The following CHLSN variants were observed in gnomAD, a reference collection of about 807,000 sequenced individuals.
CHLSN encodes cholesin, also known as protein cholesin.
At chr7:1,083,443 T>C in the CHLSN span, among the ~76,000 whole-genome samples, 1 of 151,160 alleles carries the variant, frequency 6.6e-6, no homozygotes, top group African/African-American at 2.4e-5. Flanking sequence ...GCTAACACAG[T>C]AAAACCCCAT....
chr7:1,042,952 A>G, the CHLSN span, among the ~76,000 whole-genome samples: 2 of 152,096 alleles, frequency 1.3e-5, no homozygotes, highest in African/African-American at 2.4e-5. Context: ...AGTTTTCACA[A>G]TTAAATTTAA....
At chr7:1,009,878 A>C in the CHLSN span, 1 of 1,316,472 alleles carries the variant, frequency 7.6e-7, no homozygotes, top group Non-Finnish European at 1.0e-6. Flanking sequence ...GTGCGAGTGA[A>C]GGCTTCGACC....
the CHLSN span, among the ~76,000 whole-genome samples, chr7:1,104,799 C>T: frequency 1.3e-5 from 2 of 152,240 alleles, no homozygotes; most frequent in Non-Finnish European, 2.9e-5. Flanking sequence ...TACAAATATG[C>T]AGCCTCATCT....
chr7:1,047,682 G>A, the CHLSN span, among the ~76,000 whole-genome samples: 1 of 152,266 alleles, frequency 6.6e-6, no homozygotes, highest in Non-Finnish European at 1.5e-5. Context: ...GCCAGGAGCT[G>A]GCCGTGGCCT....
the CHLSN span, among the ~76,000 whole-genome samples, chr7:1,063,582 C>G: frequency 2.0e-4 from 31 of 152,230 alleles, no homozygotes; most frequent in Admixed American, 2.0e-4. Context: ...ACCATGGGCC[C>G]CTGCGTGGGG....
the CHLSN span, among the ~76,000 whole-genome samples, chr7:1,008,511 G>A: frequency 2.0e-5 from 3 of 152,162 alleles, no homozygotes; most frequent in African/African-American, 7.2e-5. Flanking sequence ...GCCTCCCAGA[G>A]AACTGACCAG....
chr7:1,041,539 G>A, the CHLSN span, among the ~76,000 whole-genome samples: 18 of 152,208 alleles, frequency 1.2e-4, no homozygotes, highest in Admixed American at 1.0e-3. Context: ...CACATGCACA[G>A]AGTGTCAGAT....
the CHLSN span, among the ~76,000 whole-genome samples, chr7:1,105,492 T>A: frequency 1.3e-5 from 2 of 152,256 alleles, no homozygotes; most frequent in African/African-American, 4.8e-5. Context: ...GAGACGCTGA[T>A]CGTTACTCAC....
the CHLSN span, among the ~76,000 whole-genome samples, chr7:1,033,110 C>T: frequency 6.6e-6 from 1 of 152,206 alleles, no homozygotes; most frequent in East Asian, 1.9e-4. Context: ...GCTAGTAGAA[C>T]CCTGATACCC....
the CHLSN span, among the ~76,000 whole-genome samples, chr7:1,040,968 G>C: frequency 5.9e-5 from 9 of 152,398 alleles, no homozygotes; most frequent in South Asian, 1.9e-3. Flanking sequence ...CCAGCTGACA[G>C]TGCCTCCCGG....
the CHLSN span, among the ~76,000 whole-genome samples, chr7:1,100,331 G>A: frequency 2.6e-5 from 4 of 152,240 alleles, no homozygotes; most frequent in African/African-American, 9.6e-5. Context: ...GGCCACTCTC[G>A]CTCTTCAGGT....
At chr7:1,069,036 A>G in the CHLSN span, among the ~76,000 whole-genome samples, 4 of 152,200 alleles carry the variant, frequency 2.6e-5, no homozygotes, top group South Asian at 8.3e-4. Context: ...ACCGTCATTA[A>G]AAGTCTCACG....
chr7:1,053,350 A>AG, the CHLSN span, among the ~76,000 whole-genome samples: 5 of 152,236 alleles, frequency 3.3e-5, 1 homozygote, highest in African/African-American at 1.2e-4. Context: ...AACCTTGCGC[A>AG]GGACAGGACC....
chr7:1,122,612 G>A, the CHLSN span, among the ~76,000 whole-genome samples: 1 of 152,206 alleles, frequency 6.6e-6, no homozygotes, highest in Non-Finnish European at 1.5e-5. Flanking sequence ...GGGATGCTGG[G>A]CAGCAGGCCT....
At chr7:1,109,921 C>T in the CHLSN span, among the ~76,000 whole-genome samples, 2 of 152,342 alleles carry the variant, frequency 1.3e-5, no homozygotes, top group East Asian at 1.9e-4. Context: ...TAACTACCTC[C>T]GCTCTCTCCA....
the CHLSN span, among the ~76,000 whole-genome samples, chr7:1,083,471 A>G: frequency 3.9e-5 from 6 of 152,018 alleles, no homozygotes; most frequent in East Asian, 1.2e-3. Context: ...AAAAAAAAAT[A>G]CAAAAAATTA....
chr7:1,016,803 CA>C, the CHLSN span, among the ~76,000 whole-genome samples: 2 of 123,662 alleles, frequency 1.6e-5, no homozygotes, highest in Non-Finnish European at 3.2e-5. Context: ...CAGCACACAG[CA>C]GCACACACCA....
chr7:1,016,051 ACACAGCAGCACACGCCAGCG>A, the CHLSN span, among the ~76,000 whole-genome samples: 4 of 143,116 alleles, frequency 2.8e-5, no homozygotes, highest in African/African-American at 1.1e-4. Context: ...TCACGCCAGC[ACACAGCAGCACACGCCAGCG>A]CACAGCAGCA....
At chr7:1,127,495 AGT>A in the CHLSN span, 6 of 1,026,204 alleles carry the variant, frequency 5.8e-6, no homozygotes, top group Non-Finnish European at 8.2e-6. Flanking sequence ...AAAAAAAAAG[AGT>A]ATTATGGAAA....
Sources: allele counts gnomAD v4.1 joint callset (sites outside exome capture counted in the v4.1 genomes callset), GRCh38; gene constraint gnomAD v4.1.1; transcripts MANE v1.5; gene names NCBI Gene and HGNC (gene_info 2026-07-23, HGNC 2026-07-21).